The following NAA35 variants were observed in gnomAD, a reference collection of about 807,000 sequenced individuals.
NAA35 encodes N-alpha-acetyltransferase 35, NatC auxiliary subunit, also known as MAK10 homolog, amino-acid N-acetyltransferase subunit.
A neutral mutation model predicts 101.7 loss-of-function variants in NAA35; 18 were observed. That is an observed-to-expected ratio of 0.18 (90% CI 0.12 to 0.26). NAA35 has a LOEUF of 0.26. Ranked by LOEUF, NAA35 falls within the 10% of genes least tolerant of loss-of-function variation. The pLI, the probability that NAA35 is intolerant of heterozygous loss-of-function variation, is 1.00. For missense variants in NAA35, 601 were observed against 886.8 expected (o/e 0.68, Z 4.09); for synonymous variants, 267 against 273.1 (o/e 0.98, Z 0.22).
At chr9:86,007,331 T>A (rs1309676897) in intron 13 of NAA35, 27 bp from the exon 14 acceptor site, 8 of 1,500,670 alleles carry the variant, frequency 5.3e-6, no homozygotes, top group Non-Finnish European at 7.4e-6. Context: ...CGTGACACCG[T>A]AACTAATATA....
intron 6 of NAA35, among the ~76,000 whole-genome samples, chr9:85,970,618 A>G (rs1829960007): frequency 6.6e-6 from 1 of 152,178 alleles, no homozygotes; most frequent in Admixed American, 6.5e-5. Context: ...TTTAATCTTG[A>G]AGAAATATCA....
At chr9:85,972,659 C>A (rs1407415154) in intron 6 of NAA35, among the ~76,000 whole-genome samples, 1 of 152,114 alleles carries the variant, frequency 6.6e-6, no homozygotes, top group East Asian at 1.9e-4. Context: ...GTGGCTGACT[C>A]CTTTTAAATG....
intron 2 of NAA35, among the ~76,000 whole-genome samples, chr9:85,952,536 C>T (rs761406836): frequency 2.6e-5 from 4 of 152,148 alleles, no homozygotes; most frequent in East Asian, 3.9e-4. Flanking sequence ...CCACCTGCCT[C>T]GGCCTCCCAA....
rs765868017 is a variant in NAA35, at chr9:86,013,769, C to G, written c.1440C>G (p.Pro480=). Residue 480 remains proline (P), a synonymous_variant, in exon 17 of 23, where the codon CCC becomes CCG. Coordinates refer to ENST00000361671, the MANE Select transcript of NAA35 (RefSeq NM_024635.4). ...ACACCATGCTGTTGAAACAGGAACC[C>G]CAAAGGCAACATTTGGCCTGTTTAG... ...ALHTMLLKQE[P]QRQHLACLGT... 3.7e-6 allele frequency: 6 copies of G among 1,613,954 alleles called. No individual in the cohort carries two copies. The African/African-American group carries it at 5.3e-5, about 14-fold the overall frequency.
chr9:86,009,631 A>G (rs560191047), intron 14 of NAA35, among the ~76,000 whole-genome samples: 2 of 152,314 alleles, frequency 1.3e-5, no homozygotes, highest in East Asian at 3.9e-4. Flanking sequence ...ACTGGATCCA[A>G]CTCTGATTGT....
intron 11 of NAA35, among the ~76,000 whole-genome samples, chr9:85,982,385 G>A (rs1231619608): frequency 6.6e-6 from 1 of 152,168 alleles, no homozygotes; most frequent in Non-Finnish European, 1.5e-5. Flanking sequence ...TTTTGCTTAT[G>A]CTGTCTTGAA....
intron 11 of NAA35, among the ~76,000 whole-genome samples, chr9:85,995,791 T>A (rs897510434): frequency 6.6e-6 from 1 of 152,128 alleles, no homozygotes; most frequent in South Asian, 2.1e-4. Context: ...GTGTGAAAAG[T>A]GAGATCACCA....
intron 15 of NAA35, among the ~76,000 whole-genome samples, chr9:86,012,186 C>G (rs1831969448): frequency 6.7e-6 from 1 of 149,672 alleles, no homozygotes; most frequent in African/African-American, 2.5e-5. Context: ...GTGGTGCGAT[C>G]TCAGCTTACT....
At chr9:85,970,738 G>C (rs202055226) in intron 6 of NAA35, among the ~76,000 whole-genome samples, 1 of 140,382 alleles carries the variant, frequency 7.1e-6, no homozygotes, top group East Asian at 4.4e-4. Context: ...TGTCAGATAT[G>C]AATGTTAAGG....
chr9:86,007,395 C>T lies in NAA35; in HGVS notation c.1154C>T (p.Thr385Ile), dbSNP rs1325553662. The change falls in exon 14 of 23, where the codon ACT (threonine) becomes ATT (isoleucine). Residue 385 changes from threonine (T) to isoleucine (I), a missense_variant. By Grantham distance (89) the Thr-to-Ile change is moderately conservative. Coordinates refer to ENST00000361671, the MANE Select transcript of NAA35 (RefSeq NM_024635.4). ...FLVDNKKVFG[T>I]HLMQDMVKDA... ...GTGGATAACAAAAAGGTCTTTGGAA[C>T]TCATCTCATGCAAGACATGGTGAAA... The T allele has an allele frequency of 6.2e-7, 1 of 1,613,854 alleles. No individual in the cohort carries two copies. Among genetic ancestry groups the T allele is most frequent in the Admixed American group, 1.7e-5 (1 of 60,012 alleles).
chr9:85,967,049 G>A (rs1387308857), intron 6 of NAA35, among the ~76,000 whole-genome samples: 1 of 152,178 alleles, frequency 6.6e-6, no homozygotes, highest in African/African-American at 2.4e-5. Context: ...TGAGGTGGGA[G>A]AATCGCTTGA....
In NAA35 at chr9:86,022,466, G is replaced by A. The variant is rs937350811; in HGVS notation, c.*506G>A. 6.6e-6 allele frequency among the ~76,000 whole-genome samples: 1 copy of A among 151,974 alleles called. No individual in the cohort carries two copies. The highest frequency in any genetic ancestry group is 1.5e-5 in the Non-Finnish European group (1 of 68,004). ...GATTTTGGTAAAATACATTTAGAAG[G>A]GATTTTTGGGAGGGCCTCTAAATTA... On this transcript the variant is annotated 3_prime_UTR_variant, in exon 23 of 23. Transcript: ENST00000361671.
rs1832716664 is a variant in NAA35 at position 86,024,855 on chromosome 9, C to T, written c.*2895C>T. On this transcript the variant is annotated 3_prime_UTR_variant, in exon 23 of 23. Transcript: ENST00000361671. ...ATCTGGGGTGGAGATGAACTGAGGA[C>T]TCAGTAACTATAGTCACTGTAATTT... 6.6e-6 allele frequency among the ~76,000 whole-genome samples: 1 copy of T among 152,008 alleles called. No homozygotes were observed. The highest frequency in any genetic ancestry group is 6.6e-5 in the Admixed American group (1 of 15,262).
At chr9:86,005,672 T>C (rs1273748189) in intron 13 of NAA35, among the ~76,000 whole-genome samples, 4 of 152,174 alleles carry the variant, frequency 2.6e-5, no homozygotes, top group Non-Finnish European at 5.9e-5. Flanking sequence ...GTTGTAATTC[T>C]ATATACTTGA....
chr9:85,970,040 CGTA>C (rs1829937682), intron 6 of NAA35, among the ~76,000 whole-genome samples: 1 of 152,150 alleles, frequency 6.6e-6, no homozygotes, highest in African/African-American at 2.4e-5. Flanking sequence ...CAGATTTTGA[CGTA>C]GTCATCACTC....
At chr9:85,942,335 C>T (rs1828559181) in intron 2 of NAA35, 52 bp downstream of exon 2, 1 of 1,590,570 alleles carries the variant, frequency 6.3e-7, no homozygotes, top group Non-Finnish European at 8.5e-7. Flanking sequence ...GGTAGAATGA[C>T]GATTGTGCTT....
intron 11 of NAA35, chr9:85,986,871 G>C (rs377636746): frequency 1.1e-5 from 2 of 180,498 alleles, no homozygotes; most frequent in Non-Finnish European, 2.3e-5. Flanking sequence ...GATTACAGGC[G>C]TGAGCCACTG....
At chr9:86,003,675 T>G (rs201597623) in intron 13 of NAA35, 31 bp downstream of exon 13, 1 of 1,315,040 alleles carries the variant, frequency 7.6e-7, no homozygotes, top group Non-Finnish European at 1.1e-6. Context: ...AAATACTTAT[T>G]TAAACATTAT....
At chr9:85,972,509 CAAAAAA>C (rs34535924) in intron 6 of NAA35, among the ~76,000 whole-genome samples, 1 of 53,996 alleles carries the variant, frequency 1.9e-5, no homozygotes, top group African/African-American at 7.4e-5. Context: ...GACCCTGTCT[CAAAAAA>C]AAAAAAAAAA....
Sources: allele counts gnomAD v4.1 joint callset (sites outside exome capture counted in the v4.1 genomes callset), GRCh38; gene constraint gnomAD v4.1.1; transcripts MANE v1.5; gene names NCBI Gene and HGNC (gene_info 2026-07-23, HGNC 2026-07-21).